The following ADAMTSL3 variants were observed in gnomAD, a reference collection of about 807,000 sequenced individuals.
ADAMTSL3 encodes ADAMTS-like protein 3.
ADAMTSL3 carries 128 observed loss-of-function variants against 201.7 expected under a neutral mutation model. The ratio of observed to expected loss-of-function variants is 0.63; its 90% CI spans 0.55 to 0.73. ADAMTSL3 has a LOEUF of 0.73. ADAMTSL3 is among the 30% of genes least tolerant of loss of function. ADAMTSL3 has a pLI of 0.00. For synonymous variants in ADAMTSL3, 738 were observed against 748.4 expected (o/e 0.99, Z 0.23); for missense variants, 1,990 against 2,119.6 (o/e 0.94, Z 1.20).
chr15:83,694,844 T>A (rs2061658321), intron 2 of ADAMTSL3, among the ~76,000 whole-genome samples: 1 of 152,200 alleles, frequency 6.6e-6, no homozygotes, highest in African/African-American at 2.4e-5. Flanking sequence ...GTCTTCCATG[T>A]ATAAAGCCCA....
chr15:83,819,709 C>A, intron 5 of ADAMTSL3, 102 bp from the exon 6 acceptor site: 3 of 866,928 alleles, frequency 3.5e-6, no homozygotes, highest in Non-Finnish European at 5.6e-6. Flanking sequence ...CAGAGAGAGG[C>A]AAGTGAGGTG....
intron 3 of ADAMTSL3, 128 bp downstream of exon 3, chr15:83,704,636 A>G (rs2061823062): frequency 8.1e-6 from 10 of 1,239,164 alleles, no homozygotes; most frequent in South Asian, 8.0e-5. Context: ...GACCCTTGAC[A>G]CCCTTGAAGG....
At chr15:83,949,470 T>A (rs764732584) in intron 19 of ADAMTSL3, among the ~76,000 whole-genome samples, 1 of 152,232 alleles carries the variant, frequency 6.6e-6, no homozygotes, top group African/African-American at 2.4e-5. Context: ...GTGGTATACA[T>A]GGGATTATAG....
At chr15:83,821,723 T>C (rs1327973889) in intron 6 of ADAMTSL3, among the ~76,000 whole-genome samples, 2 of 152,264 alleles carry the variant, frequency 1.3e-5, no homozygotes, top group Non-Finnish European at 1.5e-5. Context: ...AAAACCGCCG[T>C]TGTCGTCATG....
At chr15:84,004,056 G>C (rs1448703262) in intron 23 of ADAMTSL3, among the ~76,000 whole-genome samples, 1 of 152,220 alleles carries the variant, frequency 6.6e-6, no homozygotes, top group Admixed American at 6.5e-5. Context: ...TTTATGGGAA[G>C]AGCCCCATAG....
chr15:83,964,320 GA>G (rs969439970), intron 19 of ADAMTSL3, among the ~76,000 whole-genome samples: 2 of 152,032 alleles, frequency 1.3e-5, no homozygotes, highest in Non-Finnish European at 2.9e-5. Context: ...CCAGTTTAGA[GA>G]AGAACAAAAA....
intron 2 of ADAMTSL3, among the ~76,000 whole-genome samples, chr15:83,692,106 T>G (rs2061616434): frequency 6.6e-6 from 1 of 150,930 alleles, no homozygotes; most frequent in South Asian, 2.1e-4. Flanking sequence ...GCCTTCTTCT[T>G]TTTTTTTTCT....
At chr15:83,905,419 C>CCAT in intron 15 of ADAMTSL3, among the ~76,000 whole-genome samples, 1 of 152,190 alleles carries the variant, frequency 6.6e-6, no homozygotes, top group Non-Finnish European at 1.5e-5. Flanking sequence ...GCTCACTGGC[C>CCAT]CATGTAGGCC....
At chr15:84,016,232 C>T (rs2068084798) in intron 24 of ADAMTSL3, 151 bp from the exon 25 acceptor site, 1 of 628,536 alleles carries the variant, frequency 1.6e-6, no homozygotes, top group Non-Finnish European at 2.8e-6. Flanking sequence ...ATACACACCT[C>T]CCAGACCTGT....
intron 19 of ADAMTSL3, among the ~76,000 whole-genome samples, chr15:83,952,859 C>G (rs1478511702): frequency 6.6e-6 from 1 of 151,794 alleles, no homozygotes; most frequent in Non-Finnish European, 1.5e-5. Context: ...TGAACTGACC[C>G]CTCTATAAAT....
chr15:83,993,126 C>A lies in ADAMTSL3; in HGVS notation c.3973+1912C>A, dbSNP rs185209609. On this transcript the variant is annotated intron_variant, in intron 23 of 29. Transcript: ENST00000286744. Reference sequence around the variant, plus strand: ...ACCTGTAGTGAACTTACAGTGTTTTCTTATGGGCAGAAGCCATACCTAATG... The same window carrying A: ...ACCTGTAGTGAACTTACAGTGTTTTATTATGGGCAGAAGCCATACCTAATG... Among the ~76,000 whole-genome samples the A allele has an allele frequency of 7.2e-5, 11 of 152,300 alleles. No homozygotes were observed. The East Asian group carries it at 2.1e-3, about 29-fold the overall frequency.
rs532270859 is a variant in ADAMTSL3, at chr15:83,872,176, TG to T, written c.960+1218del. Reference sequence around the variant, plus strand: ...ATTTTTACATCAAAAGATCAGGGTTTGTTTTTTTTTTCTTTCTGCTTCTCTG... The same window carrying T: ...ATTTTTACATCAAAAGATCAGGGTTTTTTTTTTTTTCTTTCTGCTTCTCTG... On this transcript the variant is annotated intron_variant, in intron 9 of 29. Transcript: ENST00000286744. Among the ~76,000 whole-genome samples, 31 of 152,246 alleles carry T rather than the reference TG, an allele frequency of 2.0e-4. No homozygotes were observed. The South Asian group carries it at 2.9e-3, about 14-fold the overall frequency.
intron 17 of ADAMTSL3, among the ~76,000 whole-genome samples, chr15:83,934,247 G>T (rs2066419930): frequency 6.6e-6 from 1 of 152,244 alleles, no homozygotes; most frequent in South Asian, 2.1e-4. Flanking sequence ...TCTTGCATCA[G>T]TGTGACCTGT....
At chr15:83,661,466 G>A (rs2061162914) in intron 2 of ADAMTSL3, among the ~76,000 whole-genome samples, 1 of 151,966 alleles carries the variant, frequency 6.6e-6, no homozygotes, top group African/African-American at 2.4e-5. Flanking sequence ...CTTGAGCAGA[G>A]GTTTGTAGTT....
chr15:83,983,469 G>A (rs1294104225), intron 21 of ADAMTSL3, 125 bp downstream of exon 21: 1 of 752,514 alleles, frequency 1.3e-6, no homozygotes, highest in Non-Finnish European at 2.0e-6. Flanking sequence ...CTTTAGGAAA[G>A]AAACTAAAAA....
At chr15:83,707,433 CAATT>C (rs796476975) in intron 3 of ADAMTSL3, among the ~76,000 whole-genome samples, 5 of 152,218 alleles carry the variant, frequency 3.3e-5, no homozygotes, top group African/African-American at 1.2e-4. Context: ...GCAATATTTT[CAATT>C]AATTTTTTAT....
intron 19 of ADAMTSL3, among the ~76,000 whole-genome samples, chr15:83,943,857 T>C (rs2066607680): frequency 6.6e-6 from 1 of 152,228 alleles, no homozygotes; most frequent in South Asian, 2.1e-4. Context: ...TAAGTCTGAT[T>C]GCTTGCAAAA....
At chr15:83,732,162 T>C (rs1384777302) in intron 3 of ADAMTSL3, among the ~76,000 whole-genome samples, 1 of 152,104 alleles carries the variant, frequency 6.6e-6, no homozygotes, top group Non-Finnish European at 1.5e-5. Flanking sequence ...GTACAGCTTT[T>C]ACTAAAAGAG....
chr15:83,710,328 C>T (rs560717847), intron 3 of ADAMTSL3, among the ~76,000 whole-genome samples: 2 of 152,254 alleles, frequency 1.3e-5, no homozygotes, highest in Non-Finnish European at 2.9e-5. Flanking sequence ...CTTAAAAATG[C>T]TTTTGCCTGT....
Sources: allele counts gnomAD v4.1 joint callset (sites outside exome capture counted in the v4.1 genomes callset), GRCh38; gene constraint gnomAD v4.1.1; transcripts MANE v1.5; gene names NCBI Gene and HGNC (gene_info 2026-07-23, HGNC 2026-07-21).